ANKRD27: variants seen among roughly 807,000 people sequenced by gnomAD.
ANKRD27 encodes ankyrin repeat domain 27.
A neutral mutation model predicts 129.7 loss-of-function variants in ANKRD27; 112 were observed. That is an observed-to-expected ratio of 0.86 (90% CI 0.74 to 1.01). The LOEUF is 1.01. ANKRD27 is among the 50% of genes least tolerant of loss of function. The pLI, the probability that ANKRD27 is intolerant of heterozygous loss-of-function variation, is 0.00. For synonymous variants in ANKRD27, 516 were observed against 511.2 expected, an observed-to-expected ratio of 1.01 and a Z score of -0.13; for missense variants, 1,258 against 1,300.5, an observed-to-expected ratio of 0.97 and a Z score of 0.50.
chr19:32,644,871 C>A (rs1967272214), intron 4 of ANKRD27, among the ~76,000 whole-genome samples: 1 of 152,184 alleles, frequency 6.6e-6, no homozygotes, highest in Non-Finnish European at 1.5e-5. Flanking sequence ...CACCCAGAGA[C>A]AAAGCTGGGG....
intron 1 of ANKRD27, among the ~76,000 whole-genome samples, chr19:32,665,035 C>T (rs2145324636): frequency 6.6e-6 from 1 of 151,944 alleles, no homozygotes; most frequent in East Asian, 1.9e-4. Context: ...TCATACTAGC[C>T]ACATTTCATG....
intron 1 of ANKRD27, among the ~76,000 whole-genome samples, chr19:32,670,382 C>A (rs894240608): frequency 6.6e-6 from 1 of 152,240 alleles, no homozygotes; most frequent in African/African-American, 2.4e-5. Flanking sequence ...CTGTTCTCAA[C>A]CTTTCTGTCC....
intron 20 of ANKRD27, 88 bp from the exon 21 acceptor site, chr19:32,617,721 G>A: frequency 1.7e-6 from 1 of 579,256 alleles, no homozygotes; most frequent in Non-Finnish European, 3.1e-6. Flanking sequence ...AAATCTATTG[G>A]CTTGATTTGT....
chr19:32,649,968 C>CTGCTGTTGTTGTTGTTGT (rs1967380978), intron 2 of ANKRD27, among the ~76,000 whole-genome samples, 176 bp from the exon 3 acceptor site: 1 of 151,464 alleles, frequency 6.6e-6, no homozygotes, highest in African/African-American at 2.4e-5. Context: ...TGATCTGCTG[C>CTGCTGTTGTTGTTGTTGT]TGCTGTTGTT....
chr19:32,617,785 G>A (rs528444374), intron 20 of ANKRD27, 152 bp from the exon 21 acceptor site: 6 of 441,862 alleles, frequency 1.4e-5, no homozygotes, highest in South Asian at 3.2e-5. Context: ...ATGGAGTTTC[G>A]CTCTTATTGC....
intron 12 of ANKRD27, 107 bp from the exon 13 acceptor site, chr19:32,631,601 CCT>C (rs1393001455): frequency 1.2e-6 from 1 of 865,386 alleles, no homozygotes; most frequent in Non-Finnish European, 1.9e-6. Flanking sequence ...ATCGGCTGCG[CCT>C]CTCTCCCGTC....
chr19:32,636,741 T>TATA (rs375534632), intron 12 of ANKRD27, among the ~76,000 whole-genome samples: 49 of 109,522 alleles, frequency 4.5e-4, no homozygotes, highest in South Asian at 2.0e-3. Context: ...ATATATATAT[T>TATA]TTTTATATAT....
chr19:32,602,125 T>G lies in ANKRD27; in HGVS notation c.2657A>C (p.Asn886Thr), dbSNP rs1018375153. 4 of 1,581,242 alleles carry G rather than the reference T, an allele frequency of 2.5e-6. No individual in the cohort carries two copies. Among genetic ancestry groups the G allele is most frequent in the Non-Finnish European group, 3.5e-6 (4 of 1,152,906 alleles). ...CTGAAGCAATTCCATTATTTTTGAA[T>G]TCTGCAATTTGAAAGGGAAAAGGAA... The part of the protein sequence containing the change: ...QRTAVDCAEQ[N>T]SKIMELLQVV... Residue 886 changes from asparagine (N) to threonine (T), a missense_variant and splice_region_variant, in exon 26 of 29, where the codon AAT (asparagine) becomes ACT (threonine). Physicochemically the swap from Asn to Thr is moderately conservative, Grantham distance 65. Transcript: ENST00000306065.
intron 2 of ANKRD27, 44 bp downstream of exon 2, chr19:32,658,870 A>T: frequency 6.8e-7 from 1 of 1,478,748 alleles, no homozygotes; most frequent in Non-Finnish European, 9.5e-7. Flanking sequence ...ACGTCTCTGG[A>T]ACCATTCATG....
At chr19:32,616,109 G>A (rs1971914603) in intron 21 of ANKRD27, among the ~76,000 whole-genome samples, 1 of 152,156 alleles carries the variant, frequency 6.6e-6, no homozygotes, top group South Asian at 2.1e-4. Context: ...AGAGGCCAGA[G>A]AATCGCCTGA....
chr19:32,673,756 C>A (rs1279599642), intron 1 of ANKRD27, among the ~76,000 whole-genome samples: 1 of 152,154 alleles, frequency 6.6e-6, no homozygotes, highest in Non-Finnish European at 1.5e-5. Context: ...AGTTAAAGGA[C>A]GGACCCCTGG....
chr19:32,669,940 G>T (rs1013833484), intron 1 of ANKRD27, among the ~76,000 whole-genome samples: 1 of 150,752 alleles, frequency 6.6e-6, no homozygotes, highest in African/African-American at 2.4e-5. Flanking sequence ...AGGTTGCAGC[G>T]AGCCGAGATG....
chr19:32,634,517 G>C (rs938573046), intron 12 of ANKRD27, among the ~76,000 whole-genome samples: 1 of 152,192 alleles, frequency 6.6e-6, no homozygotes, highest in Non-Finnish European at 1.5e-5. Flanking sequence ...GGTGCCTTGG[G>C]CTGTGACCCT....
intron 28 of ANKRD27, 42 bp downstream of exon 28, chr19:32,599,662 G>C (rs1265445609): frequency 6.4e-6 from 10 of 1,570,386 alleles, no homozygotes; most frequent in Non-Finnish European, 8.7e-6. Flanking sequence ...ACAAAGCCGG[G>C]CTTTAGAAAA....
Position 32,639,504 on chromosome 19 carries a change from A to C in ANKRD27, c.984-16T>G, listed in dbSNP as rs1260238957. ...ATTTGCCATCCTAATGAAAGGAAGA[A>C]AAAAGTTATGTTGTTGTCTATCCAA... On this transcript the variant is annotated splice_polypyrimidine_tract_variant and intron_variant, in intron 11 of 28. Coordinates refer to ENST00000306065, the MANE Select transcript of ANKRD27 (RefSeq NM_032139.3). 6.2e-7 allele frequency: 1 copy of C among 1,610,418 alleles called. No individual in the cohort carries two copies. Among genetic ancestry groups the C allele is most frequent in the African/African-American group, 1.3e-5 (1 of 74,788 alleles).
chr19:32,619,173 C>T, intron 20 of ANKRD27, 87 bp downstream of exon 20: 1 of 1,512,790 alleles, frequency 6.6e-7, no homozygotes, highest in Non-Finnish European at 8.9e-7. Flanking sequence ...GAGGGCGGCC[C>T]TTGTCAGGCC....
intron 22 of ANKRD27, among the ~76,000 whole-genome samples, chr19:32,615,044 G>A (rs1363354908): frequency 6.6e-6 from 1 of 152,126 alleles, no homozygotes; most frequent in African/African-American, 2.4e-5. Context: ...TCCCTGGGGG[G>A]CTTTAGGTAC....
intron 2 of ANKRD27, among the ~76,000 whole-genome samples, chr19:32,653,900 T>G (rs960249855): frequency 3.3e-5 from 5 of 152,078 alleles, no homozygotes; most frequent in African/African-American, 7.2e-5. Flanking sequence ...TGGTTTTTTT[T>G]GTTTGTTTTT....
At chr19:32,626,608 AGG>A in intron 16 of ANKRD27, 102 bp downstream of exon 16, 3 of 823,570 alleles carry the variant, frequency 3.6e-6, no homozygotes, top group Non-Finnish European at 5.6e-6. Context: ...GCACAGCACC[AGG>A]AGACAGGGGT....
Sources: gnomAD v4.1 joint callset for allele counts (sites outside exome capture counted in the v4.1 genomes callset) on GRCh38, gnomAD v4.1.1 for gene constraint, MANE v1.5 for transcripts, NCBI Gene and HGNC (gene_info 2026-07-23, HGNC 2026-07-21) for gene names.